Variants in SORCS3 observed in about 807,000 individuals in gnomAD.
SORCS3 encodes VPS10 domain-containing receptor SorCS3.
A neutral mutation model predicts 146.3 loss-of-function variants in SORCS3; 57 were observed. The ratio of observed to expected loss-of-function variants is 0.39; its 90% CI spans 0.31 to 0.49. The LOEUF is 0.49. Ranked by LOEUF, SORCS3 falls within the 20% of genes least tolerant of loss-of-function variation. The probability of loss-of-function intolerance (pLI) is 0.92; values close to 1 mark genes in which losing one functional copy is unlikely to be tolerated. For missense variants in SORCS3, 1,341 were observed against 1,575.5 expected, an observed-to-expected ratio of 0.85 and a Z score of 2.52; for synonymous variants, 653 against 618.5, an observed-to-expected ratio of 1.06 and a Z score of -0.83.
At chr10:104,721,567 C>T (rs919493167) in intron 1 of SORCS3, among the ~76,000 whole-genome samples, 1 of 152,008 alleles carries the variant, frequency 6.6e-6, no homozygotes, top group African/African-American at 2.4e-5. Context: ...TTACCTTGGG[C>T]AGTATGGCCA....
intron 4 of SORCS3, among the ~76,000 whole-genome samples, chr10:104,981,085 C>A (rs2054929201): frequency 6.6e-6 from 1 of 152,168 alleles, no homozygotes; most frequent in Non-Finnish European, 1.5e-5. Flanking sequence ...GGTCATACCT[C>A]TGCAATCCTG....
intron 1 of SORCS3, among the ~76,000 whole-genome samples, chr10:104,745,683 T>C (rs966665817): frequency 5.3e-5 from 8 of 152,228 alleles, no homozygotes; most frequent in Admixed American, 5.2e-4. Flanking sequence ...CTCTAGGATT[T>C]ATTCATCTTA....
intron 1 of SORCS3, among the ~76,000 whole-genome samples, chr10:104,767,807 C>G (rs2017198959): frequency 6.8e-6 from 1 of 147,684 alleles, no homozygotes; most frequent in African/African-American, 2.5e-5. Flanking sequence ...TTCTCCCTTC[C>G]CCTCCCTCTT....
At chr10:104,904,401 TC>T (rs927767028) in intron 2 of SORCS3, among the ~76,000 whole-genome samples, 39 of 152,312 alleles carry the variant, frequency 2.6e-4, no homozygotes, top group African/African-American at 7.9e-4. Context: ...ATAATTTTTA[TC>T]CTTTGAACTA....
At chr10:105,034,450 G>A (rs1017086008) in intron 4 of SORCS3, among the ~76,000 whole-genome samples, 25 of 152,156 alleles carry the variant, frequency 1.6e-4, no homozygotes, top group Non-Finnish European at 5.9e-5. Flanking sequence ...AGGCAGGTGG[G>A]AGATGAGCAT....
chr10:105,252,648 C>G (rs2056907630), intron 22 of SORCS3, 127 bp from the exon 23 acceptor site: 2 of 1,110,644 alleles, frequency 1.8e-6, no homozygotes, highest in Non-Finnish European at 2.6e-6. Flanking sequence ...TATATTGGAG[C>G]CTGTGCCTAA....
At chr10:104,816,042 C>A (rs1017652729) in intron 1 of SORCS3, among the ~76,000 whole-genome samples, 5 of 152,140 alleles carry the variant, frequency 3.3e-5, no homozygotes, top group African/African-American at 1.2e-4. Context: ...TATTTCCATA[C>A]AAATAGCTTT....
Position 105,214,514 on chromosome 10 carries a change from C to T in SORCS3, c.2448C>T (p.Cys816=). The T allele has an allele frequency of 6.2e-7, 1 of 1,614,016 alleles. No individual in the cohort carries two copies. Among genetic ancestry groups the T allele is most frequent in the East Asian group, 2.2e-5 (1 of 44,870 alleles). Residue 816 remains cysteine, a synonymous_variant, in exon 18 of 27, where the codon TGC becomes TGT. Transcript: ENST00000369701. ...AGTACACCGCCAAGGCCCAGATGTG[C>T]CCTGGAAAAGCCCCTCGGGGCCTCC... The part of the protein sequence containing the change: ...REKYTAKAQM[C]PGKAPRGLHV...
At chr10:105,094,494 C>A (rs1343816937) in intron 6 of SORCS3, among the ~76,000 whole-genome samples, 2 of 152,154 alleles carry the variant, frequency 1.3e-5, no homozygotes, top group South Asian at 2.1e-4. Context: ...TATGCTTTTA[C>A]CCAATCAACA....
intron 1 of SORCS3, among the ~76,000 whole-genome samples, chr10:104,820,817 T>C (rs933961032): frequency 6.6e-5 from 10 of 152,194 alleles, no homozygotes; most frequent in Admixed American, 6.5e-4. Flanking sequence ...GTTGCTGTAA[T>C]GTTAGGATGC....
intron 4 of SORCS3, among the ~76,000 whole-genome samples, chr10:105,030,418 C>T (rs565010903): frequency 6.6e-6 from 1 of 152,264 alleles, no homozygotes; most frequent in Admixed American, 6.5e-5. Flanking sequence ...GCTAGCATGG[C>T]TGTGCTCACC....
At chr10:104,844,412 G>C (rs1399588170) in intron 2 of SORCS3, among the ~76,000 whole-genome samples, 1 of 152,134 alleles carries the variant, frequency 6.6e-6, no homozygotes, top group African/African-American at 2.4e-5. Flanking sequence ...TTGCAGAAAA[G>C]GTTTGGCTAT....
At chr10:104,835,866 G>A (rs144419510) in intron 1 of SORCS3, among the ~76,000 whole-genome samples, 177 of 152,320 alleles carry the variant, frequency 1.2e-3, no homozygotes, top group African/African-American at 4.1e-3. Flanking sequence ...AGCTTATAAA[G>A]CAAGCTGGCA....
intron 1 of SORCS3, among the ~76,000 whole-genome samples, chr10:104,759,649 T>C (rs963518436): frequency 3.3e-5 from 5 of 152,208 alleles, no homozygotes; most frequent in African/African-American, 1.2e-4. Context: ...CTGTTTCAGA[T>C]CCGGCTCAGT....
chr10:105,255,078 C>T (rs145031334), intron 23 of SORCS3, among the ~76,000 whole-genome samples: 1,754 of 150,866 alleles, frequency 0.012, 47 homozygotes, highest in African/African-American at 0.04. Context: ...GTCCCAGCTA[C>T]TCAGGAGGCT....
intron 5 of SORCS3, among the ~76,000 whole-genome samples, chr10:105,060,945 A>C (rs1300312238): frequency 4.6e-5 from 7 of 151,576 alleles, no homozygotes; most frequent in East Asian, 1.9e-4. Flanking sequence ...CTTAAAACAA[A>C]AAAAAAAAAC....
chr10:104,863,020 TATCTC>T (rs2133562176), intron 2 of SORCS3, among the ~76,000 whole-genome samples: 1 of 152,334 alleles, frequency 6.6e-6, no homozygotes, highest in Admixed American at 6.5e-5. Context: ...TGTGCTCAAT[TATCTC>T]ATCAAATCCT....
At chr10:105,120,635 G>A (rs1289697348) in intron 7 of SORCS3, among the ~76,000 whole-genome samples, 3 of 152,138 alleles carry the variant, frequency 2.0e-5, no homozygotes, top group Non-Finnish European at 4.4e-5. Flanking sequence ...GATCTAATGA[G>A]GCTCCATGGA....
chr10:105,038,902 A>C (rs1219683006), intron 4 of SORCS3, among the ~76,000 whole-genome samples: 1 of 152,216 alleles, frequency 6.6e-6, no homozygotes, highest in Non-Finnish European at 1.5e-5. Flanking sequence ...TCACAAAAGT[A>C]ATATTTATTT....
Sources: gnomAD v4.1 joint callset for allele counts (sites outside exome capture counted in the v4.1 genomes callset) on GRCh38, gnomAD v4.1.1 for gene constraint, MANE v1.5 for transcripts, NCBI Gene and HGNC (gene_info 2026-07-23, HGNC 2026-07-21) for gene names.